Variants in TMEM132C observed in about 807,000 individuals in gnomAD.
TMEM132C encodes protein phosphatase 1, regulatory subunit 152.
TMEM132C carries 29 observed loss-of-function variants against 61.4 expected under a neutral mutation model. The observed-to-expected ratio is 0.47, with a 90% CI of 0.35 to 0.64. The LOEUF (loss-of-function observed/expected upper bound fraction) is 0.64. Ranked by LOEUF, TMEM132C falls within the 30% of genes least tolerant of loss-of-function variation. The pLI is 0.00. For synonymous variants in TMEM132C, 656 were observed against 633.1 expected (o/e 1.04, Z -0.54); for missense variants, 1,408 against 1,476.9 (o/e 0.95, Z 0.76).
chr12:128,373,392 G>A (rs1219682630), intron 1 of TMEM132C, among the ~76,000 whole-genome samples: 1 of 152,238 alleles, frequency 6.6e-6, no homozygotes, highest in Non-Finnish European at 1.5e-5. Context: ...GAGAAAGAGA[G>A]AAAGTGTTCA....
chr12:128,443,001 A>T (rs1455874336), intron 2 of TMEM132C, among the ~76,000 whole-genome samples: 3 of 152,196 alleles, frequency 2.0e-5, no homozygotes, highest in Non-Finnish European at 2.9e-5. Flanking sequence ...CCGTCATAGG[A>T]GAAGTTTCTT....
intron 5 of TMEM132C, among the ~76,000 whole-genome samples, chr12:128,685,942 CTG>C (rs1418802627): frequency 6.6e-6 from 1 of 152,204 alleles, no homozygotes; most frequent in Non-Finnish European, 1.5e-5. Flanking sequence ...GCCTGGATAA[CTG>C]TGGCCAGTCA....
At position 128,326,830 on chromosome 12, in the gene TMEM132C, A is replaced by G. The variant is rs1360586760; in HGVS notation, c.85+59343A>G. Among the ~76,000 whole-genome samples the G allele has an allele frequency of 7.0e-6, 1 of 141,918 alleles. No homozygotes were observed. Among genetic ancestry groups the G allele is most frequent in the Non-Finnish European group, 1.5e-5 (1 of 67,964 alleles). The allele number at this position is 141,918 out of a possible 152,430, so 93.1% of individuals were successfully genotyped here. ...TTCTTTCTTAACAACGTAGTAAAACAGCACTCAGGAATTAATTGTATTTTT... is the reference window on the plus strand; with the variant it reads ...TTCTTTCTTAACAACGTAGTAAAACGGCACTCAGGAATTAATTGTATTTTT... On this transcript the variant is annotated intron_variant, in intron 1 of 8. Coordinates refer to ENST00000435159, the MANE Select transcript of TMEM132C (RefSeq NM_001136103.3). The surrounding 1 kb of genome is among the most constrained non-coding windows in gnomAD (Gnocchi z 5.6).
intron 2 of TMEM132C, among the ~76,000 whole-genome samples, chr12:128,498,020 C>T (rs1271960851): frequency 2.0e-5 from 3 of 152,210 alleles, no homozygotes; most frequent in Non-Finnish European, 4.4e-5. Flanking sequence ...ATGGATTCTT[C>T]AGACCACTGG....
chr12:128,571,644 C>CGG (rs2136171838), intron 3 of TMEM132C, among the ~76,000 whole-genome samples: 1 of 152,280 alleles, frequency 6.6e-6, no homozygotes, highest in South Asian at 2.1e-4. Context: ...AGAGGAATCA[C>CGG]ACAGTGTTTG....
intron 1 of TMEM132C, among the ~76,000 whole-genome samples, chr12:128,305,862 G>A (rs933664074): frequency 1.3e-5 from 2 of 152,162 alleles, no homozygotes; most frequent in South Asian, 2.1e-4. Flanking sequence ...GTGCCTGCCT[G>A]TATAGACGAT....
chr12:128,494,114 GT>G (rs1176263091), intron 2 of TMEM132C, among the ~76,000 whole-genome samples: 17 of 152,134 alleles, frequency 1.1e-4, no homozygotes, highest in African/African-American at 3.6e-4. Context: ...TAATCATGTG[GT>G]TTTTGTCTTT....
At chr12:128,465,615 C>T (rs1308374345) in intron 2 of TMEM132C, among the ~76,000 whole-genome samples, 2 of 152,360 alleles carry the variant, frequency 1.3e-5, no homozygotes, top group East Asian at 1.9e-4. Flanking sequence ...CTCCTAGGCA[C>T]GTGGTGAGGG....
In TMEM132C at chr12:128,562,076, C is replaced by T. The variant is rs1056750402; in HGVS notation, c.1121+17973C>T. ...AGGATCCAATGCGCGTCTACCTTCC[C>T]ACCACCATCTACCCCAAACTACAGC... On this transcript the variant is annotated intron_variant, in intron 3 of 8. Coordinates refer to ENST00000435159, the MANE Select transcript of TMEM132C (RefSeq NM_001136103.3). Among the ~76,000 whole-genome samples the T allele has an allele frequency of 2.6e-4, 39 of 152,150 alleles. 1 individual carries two copies. Among genetic ancestry groups the T allele is most frequent in the African/African-American group, 9.4e-4 (39 of 41,432 alleles).
intron 1 of TMEM132C, among the ~76,000 whole-genome samples, chr12:128,408,825 C>T (rs751109848): frequency 1.3e-5 from 2 of 152,154 alleles, no homozygotes; most frequent in African/African-American, 2.4e-5. Flanking sequence ...CTTGACAATC[C>T]AAGTCCGTTT....
At chr12:128,580,885 G>A (rs930087359) in intron 3 of TMEM132C, among the ~76,000 whole-genome samples, 61 of 152,168 alleles carry the variant, frequency 4.0e-4, no homozygotes, top group African/African-American at 1.3e-3. Context: ...CGTGATGGGG[G>A]CTTTCAGGTG....
chr12:128,353,737 G>T (rs1298579663), intron 1 of TMEM132C, among the ~76,000 whole-genome samples: 4 of 152,092 alleles, frequency 2.6e-5, no homozygotes, highest in African/African-American at 9.7e-5. Flanking sequence ...AGGGTGGGTT[G>T]TTCAATCTCC....
chr12:128,651,725 A>G (rs1373204397), intron 4 of TMEM132C, among the ~76,000 whole-genome samples: 1 of 152,164 alleles, frequency 6.6e-6, no homozygotes, highest in African/African-American at 2.4e-5. Flanking sequence ...TGGGGGGTGA[A>G]GGAAGGTGAG....
At chr12:128,459,154 G>A (rs1870444199) in intron 2 of TMEM132C, among the ~76,000 whole-genome samples, 1 of 152,194 alleles carries the variant, frequency 6.6e-6, no homozygotes. Flanking sequence ...GAGAGAATGG[G>A]GAATAGTGGA....
At chr12:128,315,873 G>A (rs1221505418) in intron 1 of TMEM132C, among the ~76,000 whole-genome samples, 1 of 151,896 alleles carries the variant, frequency 6.6e-6, no homozygotes, top group Non-Finnish European at 1.5e-5. Flanking sequence ...CGGGTGACAA[G>A]CACAGCCGGA....
chr12:128,673,286 GTC>G (rs780097368), intron 5 of TMEM132C, among the ~76,000 whole-genome samples: 12 of 152,218 alleles, frequency 7.9e-5, no homozygotes, highest in Non-Finnish European at 1.5e-4. Context: ...AGAGCTTGCT[GTC>G]TCTCTACTAT....
At chr12:128,281,049 G>A (rs1416799615) in intron 1 of TMEM132C, among the ~76,000 whole-genome samples, 1 of 152,132 alleles carries the variant, frequency 6.6e-6, no homozygotes, top group Non-Finnish European at 1.5e-5. Flanking sequence ...CAGGAACATA[G>A]AAGAGTCATG....
rs200249610 is a variant in TMEM132C at position 128,415,487 on chromosome 12, G to A, written c.841G>A (p.Ala281Thr). 68 of 1,551,440 alleles carry A rather than the reference G, an allele frequency of 4.4e-5. No homozygotes were observed. The highest frequency in any genetic ancestry group is 2.7e-4 in the African/African-American group (20 of 73,024). ...CGGCCTTTACCGGGCCCAGGACAGC[G>A]CCCAGCTCAGCGAGCTGCGTTTGGA... Reference protein sequence around the residue: ...TVGLYRAQDSAQLSELRLDGN... With the variant: ...TVGLYRAQDSTQLSELRLDGN... Residue 281 changes from alanine (A) to threonine (T), a missense_variant, in exon 2 of 9, where the codon GCC (alanine) becomes ACC (threonine). Transcript: ENST00000435159. This position sits in a 1 kb window ranked among gnomAD's most constrained non-coding sequence, Gnocchi z 5.8.
chr12:128,635,266 G>A (rs760347185), intron 4 of TMEM132C, among the ~76,000 whole-genome samples: 7 of 152,134 alleles, frequency 4.6e-5, no homozygotes, highest in African/African-American at 9.7e-5. Flanking sequence ...CAGAATTCCT[G>A]CTGTGCTCAA....
Sources: gnomAD v4.1 joint callset for allele counts (sites outside exome capture counted in the v4.1 genomes callset) on GRCh38, gnomAD v4.1.1 for gene constraint, Gnocchi (gnomAD v3.1) non-coding constraint, MANE v1.5 for transcripts, NCBI Gene and HGNC (gene_info 2026-07-23, HGNC 2026-07-21) for gene names.